Variants in GRM5 observed in about 807,000 individuals in gnomAD.
GRM5 encodes metabotropic glutamate receptor 5.
A neutral mutation model predicts 83.1 loss-of-function variants in GRM5; 19 were observed. The ratio of observed to expected loss-of-function variants is 0.23; its 90% CI spans 0.16 to 0.34. The LOEUF is 0.34. GRM5 is among the 10% of genes least tolerant of loss of function. The probability of loss-of-function intolerance (pLI) is 1.00; values close to 1 mark genes in which losing one functional copy is unlikely to be tolerated. For missense variants in GRM5, 1,160 were observed against 1,588.3 expected, an observed-to-expected ratio of 0.73 and a Z score of 4.58; for synonymous variants, 675 against 633.6, an observed-to-expected ratio of 1.07 and a Z score of -0.98.
chr11:88,542,583 T>C (rs1010380621), intron 8 of GRM5, among the ~76,000 whole-genome samples: 1 of 152,218 alleles, frequency 6.6e-6, no homozygotes, highest in Non-Finnish European at 1.5e-5. Context: ...GCTAGGTTCT[T>C]CTGTTTGTAA....
In GRM5 at chr11:88,568,502, A is replaced by C. The variant is rs144497380; in HGVS notation, c.1691-510T>G. 1.4e-3 allele frequency among the ~76,000 whole-genome samples: 209 copies of C among 152,286 alleles called. 1 individual carries two copies. Among genetic ancestry groups the C allele is most frequent in the African/African-American group, 4.8e-3 (199 of 41,564 alleles). On this transcript the variant is annotated intron_variant, in intron 7 of 9. Coordinates refer to ENST00000305447, the MANE Select transcript of GRM5 (RefSeq NM_001143831.3). Reference sequence around the variant, plus strand: ...TGTATGACAGTGTAACAAGTGGCCTAAGATGAGGCTGGGAGGTAGGGAGGA... The same window carrying C: ...TGTATGACAGTGTAACAAGTGGCCTCAGATGAGGCTGGGAGGTAGGGAGGA...
chr11:88,872,379 T>C (rs960837686), intron 2 of GRM5, among the ~76,000 whole-genome samples: 2 of 151,570 alleles, frequency 1.3e-5, no homozygotes, highest in African/African-American at 2.4e-5. Flanking sequence ...AAGTGAGCCT[T>C]CTAAAAGATA....
chr11:88,570,571 A>ATATATATT (rs1405339448), intron 7 of GRM5, among the ~76,000 whole-genome samples: 45 of 46,382 alleles, frequency 9.7e-4, no homozygotes, highest in African/African-American at 5.5e-3. Context: ...ATATATATAT[A>ATATATATT]TTTTTTTTTT....
rs555798390 is a variant in GRM5, at chr11:88,781,349, A to G, written c.911+68557T>C. ...GAGAATCAGCAGCAAAGAACTGGAA[A>G]CACTACATAAATGGAGATGGACCTC... On this transcript the variant is annotated intron_variant, in intron 3 of 9. Transcript: ENST00000305447. Among the ~76,000 whole-genome samples the G allele has an allele frequency of 8.5e-4, 129 of 152,122 alleles. 1 individual carries two copies. The highest frequency in any genetic ancestry group is 1.5e-3 in the Non-Finnish European group (104 of 68,034).
rs1941900791 is a variant in GRM5, at chr11:89,057,374, A to C, written c.-201+8402T>G. ...CTCAATCACACATTTGTGACCCTGTAAACAAGAAAATGCAGCATCCCCACT... is the reference window on the plus strand; with the variant it reads ...CTCAATCACACATTTGTGACCCTGTCAACAAGAAAATGCAGCATCCCCACT... On this transcript the variant is annotated intron_variant, in intron 1 of 9. Transcript: ENST00000305447. Among the ~76,000 whole-genome samples, 7 of 152,162 alleles carry C rather than the reference A, an allele frequency of 4.6e-5. No individual in the cohort carries two copies. In the South Asian group the frequency reaches 1.4e-3, roughly 32 times the overall value.
intron 5 of GRM5, among the ~76,000 whole-genome samples, chr11:88,603,794 G>A (rs1451874799): frequency 8.5e-5 from 13 of 152,166 alleles, no homozygotes; most frequent in Admixed American, 8.5e-4. Context: ...CAGAATGTGT[G>A]GGCACATGTG....
intron 4 of GRM5, among the ~76,000 whole-genome samples, chr11:88,639,879 G>A (rs1939243347): frequency 6.6e-6 from 1 of 152,090 alleles, no homozygotes; most frequent in Admixed American, 6.6e-5. Flanking sequence ...TTTAAATTAA[G>A]GGCTTTCTTC....
At chr11:88,731,094 CAG>C (rs1243007068) in intron 3 of GRM5, among the ~76,000 whole-genome samples, 2 of 152,052 alleles carry the variant, frequency 1.3e-5, no homozygotes, top group Admixed American at 1.3e-4. Context: ...CTACTGCAAA[CAG>C]AAACTTCTAT....
intron 9 of GRM5, among the ~76,000 whole-genome samples, chr11:88,524,958 A>C (rs1360267823): frequency 6.6e-6 from 1 of 152,204 alleles, no homozygotes; most frequent in Non-Finnish European, 1.5e-5. Context: ...AAGTGATTGG[A>C]TAGCCCTGAA....
intron 3 of GRM5, among the ~76,000 whole-genome samples, chr11:88,781,244 A>AATTCAAC (rs1942970499): frequency 6.6e-6 from 1 of 151,586 alleles, no homozygotes; most frequent in South Asian, 2.1e-4. Context: ...GGAAAGAGAA[A>AATTCAAC]ATTCAACATC....
chr11:88,833,872 A>G (rs72643333), intron 3 of GRM5, among the ~76,000 whole-genome samples: 17,927 of 152,182 alleles, frequency 0.12, 2,189 homozygotes, highest in African/African-American at 0.31. Context: ...AGGCACAGAA[A>G]GACAAATATT....
chr11:88,619,293 A>G (rs1442002868), intron 4 of GRM5, among the ~76,000 whole-genome samples: 2 of 152,228 alleles, frequency 1.3e-5, no homozygotes, highest in Non-Finnish European at 2.9e-5. Flanking sequence ...AGCTGAAGAA[A>G]GGAAGCCCTT....
intron 2 of GRM5, among the ~76,000 whole-genome samples, chr11:88,960,356 T>C (rs1938744914): frequency 6.6e-6 from 1 of 151,828 alleles, no homozygotes; most frequent in African/African-American, 2.4e-5. Context: ...GCTTGTGTCA[T>C]CCTCACAAAA....
intron 2 of GRM5, among the ~76,000 whole-genome samples, chr11:89,015,327 T>C (rs1344059184): frequency 6.6e-6 from 1 of 152,214 alleles, no homozygotes; most frequent in Admixed American, 6.5e-5. Context: ...TACTTTTGCT[T>C]CCCTTCACTG....
chr11:88,817,562 C>T (rs942258694), intron 3 of GRM5, among the ~76,000 whole-genome samples: 1 of 151,884 alleles, frequency 6.6e-6, no homozygotes, highest in African/African-American at 2.4e-5. Flanking sequence ...ATAAAAATAC[C>T]ATCAACTAGT....
intron 3 of GRM5, among the ~76,000 whole-genome samples, chr11:88,741,854 T>A (rs1942036868): frequency 6.6e-6 from 1 of 151,732 alleles, no homozygotes. Context: ...AGGAAATAGA[T>A]CCACCTGTGA....
At chr11:89,063,336 T>A (rs547155407) in intron 1 of GRM5, 1 of 152,332 alleles carries the variant, frequency 6.6e-6, no homozygotes, top group South Asian at 2.1e-4. Context: ...TGGAACAGAC[T>A]TGAATCTTGT....
chr11:88,531,721 C>A (rs1942013016), intron 8 of GRM5, among the ~76,000 whole-genome samples: 1 of 152,106 alleles, frequency 6.6e-6, no homozygotes, highest in Non-Finnish European at 1.5e-5. Flanking sequence ...AATAAGAAAG[C>A]TAAAGGCACC....
At chr11:88,897,843 G>A (rs188055932) in intron 2 of GRM5, among the ~76,000 whole-genome samples, 1 of 151,992 alleles carries the variant, frequency 6.6e-6, no homozygotes, top group African/African-American at 2.4e-5. Flanking sequence ...AAAGGTTTTG[G>A]TGAAGATAAT....
Sources: allele counts gnomAD v4.1 joint callset (sites outside exome capture counted in the v4.1 genomes callset), GRCh38; gene constraint gnomAD v4.1.1; transcripts MANE v1.5; gene names NCBI Gene and HGNC (gene_info 2026-07-23, HGNC 2026-07-21).